Variants in SHLD1 observed in about 807,000 individuals in gnomAD.
SHLD1 encodes the protein RINN1-REV7-interacting novel NHEJ regulator 3.
A neutral mutation model predicts 5.5 loss-of-function variants in SHLD1; 3 were observed. That is an observed-to-expected ratio of 0.54 (90% CI 0.25 to 1.40). The LOEUF is 1.40. Among genes scored for constraint, SHLD1 ranks in the 40% most tolerant of loss-of-function variants. The pLI is 0.15. For missense variants in SHLD1, 210 were observed against 244.4 expected, an observed-to-expected ratio of 0.86 and a Z score of 0.94; for synonymous variants, 92 against 94.3, an observed-to-expected ratio of 0.98 and a Z score of 0.14.
intron 2 of SHLD1, among the ~76,000 whole-genome samples, chr20:5,788,265 G>A (rs887806341): frequency 6.6e-5 from 10 of 151,614 alleles, no homozygotes; most frequent in Admixed American, 2.0e-4. Context: ...AAACAGAGGT[G>A]TACCCCCATT....
intron 2 of SHLD1, among the ~76,000 whole-genome samples, chr20:5,821,760 C>A (rs1423035442): frequency 6.6e-6 from 1 of 152,150 alleles, no homozygotes; most frequent in African/African-American, 2.4e-5. Context: ...GAGAAGACTG[C>A]CACCGGATGC....
At chr20:5,826,954 C>G (rs968944447) in intron 2 of SHLD1, among the ~76,000 whole-genome samples, 3 of 150,280 alleles carry the variant, frequency 2.0e-5, no homozygotes, top group African/African-American at 7.3e-5. Context: ...TCCCCTCTTT[C>G]TCCCAGACCC....
At chr20:5,762,643 G>A (rs571017257) in intron 1 of SHLD1, among the ~76,000 whole-genome samples, 24 of 152,064 alleles carry the variant, frequency 1.6e-4, no homozygotes, top group African/African-American at 2.4e-4. Flanking sequence ...GTCATTTCCC[G>A]CCATATGAAG....
chr20:5,798,309 CTT>C (rs35636384), intron 2 of SHLD1, among the ~76,000 whole-genome samples: 82 of 146,814 alleles, frequency 5.6e-4, no homozygotes, highest in Admixed American at 7.4e-4. Context: ...TCTCAGTTCT[CTT>C]TTTTTTTTTT....
intron 2 of SHLD1, among the ~76,000 whole-genome samples, chr20:5,841,226 TA>T (rs1050631838): frequency 7.2e-5 from 11 of 152,120 alleles, no homozygotes; most frequent in Non-Finnish European, 1.3e-4. Flanking sequence ...TATACATAAA[TA>T]TTTTTTTAAT....
intron 2 of SHLD1, among the ~76,000 whole-genome samples, chr20:5,794,489 A>G (rs913340029): frequency 2.0e-5 from 3 of 152,244 alleles, no homozygotes; most frequent in Admixed American, 6.5e-5. Context: ...AAAAGTATCT[A>G]TAGAATTACT....
chr20:5,830,266 G>A (rs567029362), intron 2 of SHLD1, among the ~76,000 whole-genome samples: 2 of 152,222 alleles, frequency 1.3e-5, no homozygotes, highest in East Asian at 1.9e-4. Context: ...TTCACATCAC[G>A]GAATACTATT....
intron 2 of SHLD1, among the ~76,000 whole-genome samples, chr20:5,840,996 T>C (rs1238736506): frequency 1.3e-5 from 2 of 152,234 alleles, no homozygotes; most frequent in East Asian, 1.9e-4. Flanking sequence ...TTTATTAGTT[T>C]CTTTGTTCAT....
chr20:5,796,319 A>G (rs1000328685), intron 2 of SHLD1, among the ~76,000 whole-genome samples: 1 of 152,126 alleles, frequency 6.6e-6, no homozygotes, highest in East Asian at 1.9e-4. Flanking sequence ...ATAGTTATTA[A>G]TGTTATTAAT....
At chr20:5,813,776 A>C (rs1047451566) in intron 2 of SHLD1, among the ~76,000 whole-genome samples, 8 of 152,050 alleles carry the variant, frequency 5.3e-5, no homozygotes, top group Non-Finnish European at 8.8e-5. Flanking sequence ...CTTTCTGTGG[A>C]AGAGGAGAAA....
At position 5,790,613 on chromosome 20, in the gene SHLD1, C is replaced by T. The variant is rs547367459; in HGVS notation, c.178+17570C>T. Among the ~76,000 whole-genome samples, 28 of 151,918 alleles carry T rather than the reference C, an allele frequency of 1.8e-4. No individual in the cohort carries two copies. In the East Asian group the frequency reaches 1.9e-3, roughly 11 times the overall value. On this transcript the variant is annotated intron_variant, in intron 2 of 2. Transcript: ENST00000303142. ...GATTACAGGCACCTGCCTCCATGCC[C>T]GGCTATTTTTTTGTATTTTTAGTAG... is the stretch of plus-strand genomic sequence containing the variant.
At chr20:5,801,083 T>C (rs2087287026) in intron 2 of SHLD1, among the ~76,000 whole-genome samples, 1 of 151,606 alleles carries the variant, frequency 6.6e-6, no homozygotes, top group East Asian at 1.9e-4. Flanking sequence ...TTTTTTTTTT[T>C]TTTTTCTTTT....
At chr20:5,769,849 C>T (rs992732101) in intron 1 of SHLD1, among the ~76,000 whole-genome samples, 4 of 151,806 alleles carry the variant, frequency 2.6e-5, no homozygotes, top group African/African-American at 9.7e-5. Context: ...ACTAAAAATA[C>T]AAAAATTAGC....
intron 2 of SHLD1, among the ~76,000 whole-genome samples, chr20:5,861,629 G>A (rs1217979885): frequency 6.6e-6 from 1 of 152,194 alleles, no homozygotes; most frequent in Non-Finnish European, 1.5e-5. Flanking sequence ...CTAGAAGAGA[G>A]ATTGTTTAGT....
At chr20:5,757,851 C>A (rs1984208215) in intron 1 of SHLD1, among the ~76,000 whole-genome samples, 1 of 152,212 alleles carries the variant, frequency 6.6e-6, no homozygotes, top group Non-Finnish European at 1.5e-5. Context: ...GATCCACCCG[C>A]CTCAGCCTCC....
intron 2 of SHLD1, among the ~76,000 whole-genome samples, chr20:5,802,328 G>A (rs73894046): frequency 0.05 from 7,644 of 152,216 alleles, 262 homozygotes; most frequent in African/African-American, 0.091. Flanking sequence ...TCTGGATTGG[G>A]TCTCTTGAGA....
chr20:5,796,415 T>C (rs2087213339), intron 2 of SHLD1, among the ~76,000 whole-genome samples: 1 of 152,220 alleles, frequency 6.6e-6, no homozygotes, highest in African/African-American at 2.4e-5. Flanking sequence ...CTAGAGTTTT[T>C]TCTTTTGTGG....
At chr20:5,780,529 C>T (rs1209957504) in intron 2 of SHLD1, among the ~76,000 whole-genome samples, 1 of 152,052 alleles carries the variant, frequency 6.6e-6, no homozygotes. Context: ...CAGTTCTAAC[C>T]CCTGGAAGAG....
chr20:5,779,256 C>A (rs1216128550), intron 2 of SHLD1, among the ~76,000 whole-genome samples: 2 of 151,830 alleles, frequency 1.3e-5, no homozygotes, highest in Non-Finnish European at 2.9e-5. Context: ...CTTGCTGTTA[C>A]CAAGCAATGA....
Sources: gnomAD v4.1 joint callset for allele counts (sites outside exome capture counted in the v4.1 genomes callset) on GRCh38, gnomAD v4.1.1 for gene constraint, MANE v1.5 for transcripts, NCBI Gene and HGNC (gene_info 2026-07-23, HGNC 2026-07-21) for gene names.